The following CWC25 variants were observed in gnomAD, a reference collection of about 807,000 sequenced individuals.
The protein encoded by CWC25 is CWC25 spliceosome associated protein, also known as pre-mRNA-splicing factor CWC25 homolog.
CWC25 carries 31 observed loss-of-function variants against 54.6 expected under a neutral mutation model. The ratio of observed to expected loss-of-function variants is 0.57; its 90% CI spans 0.43 to 0.77. CWC25 has a LOEUF of 0.77. CWC25 is among the 30% of genes least tolerant of loss of function. The pLI is 0.00. For synonymous variants in CWC25, 151 were observed against 187.0 expected, an observed-to-expected ratio of 0.81 and a Z score of 1.57; for missense variants, 453 against 529.3, an observed-to-expected ratio of 0.86 and a Z score of 1.41.
At chr17:38,809,414 G>A (rs1280755774) in intron 6 of CWC25, among the ~76,000 whole-genome samples, 3 of 135,696 alleles carry the variant, frequency 2.2e-5, no homozygotes, top group Admixed American at 8.3e-5. Context: ...GGTGACAAGC[G>A]AGACTCCGTC....
At chr17:38,807,926 G>A (rs1011696632) in intron 6 of CWC25, among the ~76,000 whole-genome samples, 1 of 137,340 alleles carries the variant, frequency 7.3e-6, no homozygotes, top group Non-Finnish European at 1.6e-5. Flanking sequence ...GGGCATGGTG[G>A]GCACCTGTAG....
chr17:38,808,774 CTG>C (rs1911359388), intron 6 of CWC25, among the ~76,000 whole-genome samples: 1 of 151,106 alleles, frequency 6.6e-6, no homozygotes, highest in African/African-American at 2.4e-5. Flanking sequence ...TGGAGAAACC[CTG>C]TCTCTACTAA....
intron 6 of CWC25, among the ~76,000 whole-genome samples, chr17:38,809,044 C>G (rs1021739493): frequency 6.7e-6 from 1 of 148,170 alleles, no homozygotes; most frequent in Non-Finnish European, 1.5e-5. Context: ...CTCAGGAGTT[C>G]GAGACCAGCC....
Position 38,802,976 on chromosome 17 carries a change from AAGTGCAAGGCC to A in CWC25, c.1002-126_1002-116del, listed in dbSNP as rs1159809049. 4.1e-6 allele frequency: 5 copies of A among 1,214,968 alleles called. No homozygotes were observed. The South Asian group carries it at 7.0e-5, about 17-fold the overall frequency. The allele number at this position is 1,214,968 out of a possible 1,614,324, so 75.3% of individuals were successfully genotyped here. A position where few individuals can be genotyped will look rare whatever the true frequency, so the allele number is the denominator to read the frequency against. On this transcript the variant is annotated intron_variant, in intron 8 of 9. Transcript: ENST00000614790. ...AGCTCTCCAGTTCACTGCTCTCTCC[AAGTGCAAGGCC>A]AGCCTGAGTTCCCTTCTAACGTCCT...
intron 1 of CWC25, among the ~76,000 whole-genome samples, chr17:38,822,971 G>T (rs1911986249): frequency 6.6e-6 from 1 of 150,580 alleles, no homozygotes; most frequent in African/African-American, 2.4e-5. Context: ...CTGAGTAGCT[G>T]GGACTACAGA....
intron 2 of CWC25, among the ~76,000 whole-genome samples, chr17:38,819,877 G>C (rs1469729552): frequency 6.6e-6 from 1 of 152,092 alleles, no homozygotes; most frequent in African/African-American, 2.4e-5. Context: ...TTACCATGTT[G>C]GTCAGGCTGG....
intron 8 of CWC25, 134 bp from the exon 9 acceptor site, chr17:38,802,995 G>T: frequency 1.0e-6 from 1 of 984,598 alleles, no homozygotes; most frequent in Non-Finnish European, 1.5e-6. Context: ...GCCAGCCTGA[G>T]TTCCCTTCTA....
chr17:38,819,882 G>A (rs1219468854), intron 2 of CWC25, among the ~76,000 whole-genome samples: 1 of 152,088 alleles, frequency 6.6e-6, no homozygotes, highest in African/African-American at 2.4e-5. Context: ...ATGTTGGTCA[G>A]GCTGGTCTCG....
In CWC25 at chr17:38,801,999, TGAAA is replaced by T. The variant is rs998840621; in HGVS notation, c.*89_*92del. 6.8e-6 allele frequency: 5 copies of T among 731,070 alleles called. No individual in the cohort carries two copies. The Admixed American group carries it at 1.0e-4, about 15-fold the overall frequency. The allele number at this position is 731,070 out of a possible 1,614,324, so 45.3% of individuals were successfully genotyped here. A position where few individuals can be genotyped will look rare whatever the true frequency, so the allele number is the denominator to read the frequency against. On this transcript the variant is annotated 3_prime_UTR_variant, in exon 10 of 10. Coordinates refer to ENST00000614790, the MANE Select transcript of CWC25 (RefSeq NM_017748.5). ...TTGAACACTGGTGGTTTGACATCTG[TGAAA>T]GAAGTCATTTGAACTCTTATAAAGA...
In CWC25 at chr17:38,806,355, T is replaced by C. The variant is rs1460161224; in HGVS notation, c.943A>G (p.Arg315Gly). 2 of 1,613,682 alleles carry C rather than the reference T, an allele frequency of 1.2e-6. No homozygotes were observed. The highest frequency in any genetic ancestry group is 2.2e-5 in the East Asian group (1 of 44,880). ...KVNRRETGQT[R>G]SPSPKKEVYQ... ...ACCTCTTTTTTAGGTGATGGGCTCCTAGTTTGGCCTGTCTCTCTCCTGTTC... is the reference window on the plus strand; with the variant it reads ...ACCTCTTTTTTAGGTGATGGGCTCCCAGTTTGGCCTGTCTCTCTCCTGTTC... The change falls in exon 8 of 10, where the codon AGG (arginine) becomes GGG (glycine). Residue 315 changes from arginine (R) to glycine (G), a missense_variant. Transcript: ENST00000614790.
intron 2 of CWC25, among the ~76,000 whole-genome samples, chr17:38,820,491 CCT>C (rs1491252140): frequency 3.3e-5 from 5 of 152,086 alleles, no homozygotes; most frequent in Non-Finnish European, 5.9e-5. Flanking sequence ...CTCCCTGCCC[CCT>C]GTCCCCGCCG....
chr17:38,818,329 C>T (rs1911783910), intron 2 of CWC25, among the ~76,000 whole-genome samples: 1 of 151,682 alleles, frequency 6.6e-6, no homozygotes, highest in Non-Finnish European at 1.5e-5. Flanking sequence ...CACTGTGGCT[C>T]ACATCTGTAA....
intron 8 of CWC25, among the ~76,000 whole-genome samples, chr17:38,805,212 T>C (rs938707123): frequency 9.9e-5 from 15 of 151,802 alleles, no homozygotes; most frequent in Non-Finnish European, 1.5e-4. Flanking sequence ...GAGGCAGAGG[T>C]TGTAGTGAGC....
At chr17:38,815,979 G>A (rs1911681226) in intron 2 of CWC25, among the ~76,000 whole-genome samples, 1 of 152,110 alleles carries the variant, frequency 6.6e-6, no homozygotes, top group Non-Finnish European at 1.5e-5. Context: ...AACTATCTGG[G>A]TTTCACAAGT....
At chr17:38,812,498 A>G (rs892997530) in intron 4 of CWC25, among the ~76,000 whole-genome samples, 2 of 152,114 alleles carry the variant, frequency 1.3e-5, no homozygotes, top group Admixed American at 1.3e-4. Flanking sequence ...GTGGTGGCAC[A>G]TCCCTGTAAT....
rs1193540066 is a variant in CWC25, at chr17:38,825,290, G to A, written c.-107C>T. 3.2e-6 allele frequency: 4 copies of A among 1,263,004 alleles called. No homozygotes were observed. The highest frequency in any genetic ancestry group is 4.4e-6 in the Non-Finnish European group (4 of 919,016). The allele number at this position is 1,263,004 out of a possible 1,614,324, so 78.2% of individuals were successfully genotyped here. Reference sequence around the variant, plus strand: ...GCTACCTCGCGGGATCTAGTCCCAGGAGCCGTCAACTGCCAGTTTCACCAC... The same window carrying A: ...GCTACCTCGCGGGATCTAGTCCCAGAAGCCGTCAACTGCCAGTTTCACCAC... On this transcript the variant is annotated 5_prime_UTR_variant, in exon 1 of 10. Coordinates refer to ENST00000614790, the MANE Select transcript of CWC25 (RefSeq NM_017748.5).
At chr17:38,812,409 A>G (rs1307390495) in intron 4 of CWC25, among the ~76,000 whole-genome samples, 1 of 152,164 alleles carries the variant, frequency 6.6e-6, no homozygotes, top group Non-Finnish European at 1.5e-5. Context: ...AAGCTTAATA[A>G]ACTAAGATTA....
rs1351645678 is a variant in CWC25, at chr17:38,821,034, C to G, written c.58G>C (p.Val20Leu). The G allele has an allele frequency of 1.9e-6, 3 of 1,613,952 alleles. No homozygotes were observed. The highest frequency in any genetic ancestry group is 1.7e-6 in the Non-Finnish European group (2 of 1,179,882). Residue 20 changes from valine (V) to leucine (L), a missense_variant, in exon 2 of 10, where the codon GTG (valine) becomes CTG (leucine). Physicochemically the swap from Val to Leu is conservative, Grantham distance 32 (BLOSUM62 1). This residue lies in a region of CWC25 where 9 missense variants were observed against 30.1 expected (regional missense o/e 0.30). Coordinates refer to ENST00000614790, the MANE Select transcript of CWC25 (RefSeq NM_017748.5). ...KSWHPQTLRN[V>L]EKVWKAEQKH... ...TGCTCGGCCTTCCACACTTTCTCCA[C>G]ATTCCTGAGGGTCTGCGGGTGCCAG...
At chr17:38,819,965 C>T (rs978932220) in intron 2 of CWC25, among the ~76,000 whole-genome samples, 3 of 145,750 alleles carry the variant, frequency 2.1e-5, no homozygotes, top group Non-Finnish European at 4.6e-5. Context: ...AGCCATCGTG[C>T]CTGGCTAATT....
Sources: allele counts gnomAD v4.1 joint callset (sites outside exome capture counted in the v4.1 genomes callset), GRCh38; gene constraint gnomAD v4.1.1; regional missense constraint gnomAD v4.1.1; transcripts MANE v1.5; gene names NCBI Gene and HGNC (gene_info 2026-07-23, HGNC 2026-07-21).